PPM1H: variants seen among roughly 807,000 people sequenced by gnomAD.
PPM1H encodes the protein protein phosphatase, Mg2+/Mn2+ dependent 1H.
In PPM1H, 27 loss-of-function variants were observed where a neutral mutation model predicts 54.9. The observed-to-expected ratio is 0.49, with a 90% CI of 0.36 to 0.68. The LOEUF (loss-of-function observed/expected upper bound fraction) is 0.68, where lower values mean the gene tolerates loss of function less well. Among genes scored for constraint, PPM1H ranks in the 30% least tolerant of loss-of-function variants. The pLI is 0.00. For synonymous variants in PPM1H, 305 were observed against 270.8 expected (o/e 1.13, Z -1.24); for missense variants, 596 against 667.8 (o/e 0.89, Z 1.19).
At position 62,775,603 on chromosome 12, in the gene PPM1H, A is replaced by G. The variant is rs78439476; in HGVS notation, c.869+12623T>C. On this transcript the variant is annotated intron_variant, in intron 4 of 9. Transcript: ENST00000228705. The stretch of plus-strand genomic sequence containing the variant: ...CGAAGGCTTTAAAAATGAATATTAT[A>G]TATAAATGAGTGTGTACACACACAC... 2.4e-3 allele frequency among the ~76,000 whole-genome samples: 368 copies of G among 150,688 alleles called. 1 individual carries two copies. Among genetic ancestry groups the G allele is most frequent in the African/African-American group, 8.6e-3 (349 of 40,374 alleles).
chr12:62,689,627 T>A, intron 8 of PPM1H, 72 bp downstream of exon 8: 5 of 1,091,328 alleles, frequency 4.6e-6, no homozygotes, highest in Non-Finnish European at 6.8e-6. Context: ...GGATATGGGG[T>A]GTGAGTCACA....
At chr12:62,687,562 C>CTT (rs559654707) in intron 8 of PPM1H, among the ~76,000 whole-genome samples, 2 of 141,900 alleles carry the variant, frequency 1.4e-5, no homozygotes, top group Admixed American at 7.1e-5. Flanking sequence ...TCTTGCAGTA[C>CTT]TTTTTTTTTT....
At chr12:62,875,574 T>C (rs1702000413) in intron 1 of PPM1H, among the ~76,000 whole-genome samples, 2 of 152,198 alleles carry the variant, frequency 1.3e-5, no homozygotes, top group African/African-American at 2.4e-5. Context: ...TATTTTTCTA[T>C]ATAGCAAATC....
chr12:62,782,278 G>A (rs1156998567), intron 4 of PPM1H, among the ~76,000 whole-genome samples: 4 of 152,166 alleles, frequency 2.6e-5, no homozygotes, highest in Non-Finnish European at 5.9e-5. Flanking sequence ...TTGGCTTGGA[G>A]GCAGTTACAT....
At chr12:62,722,537 T>C (rs1363097758) in intron 5 of PPM1H, among the ~76,000 whole-genome samples, 1 of 152,138 alleles carries the variant, frequency 6.6e-6, no homozygotes, top group African/African-American at 2.4e-5. Context: ...TACACACACA[T>C]TTTTACAAAA....
In PPM1H at chr12:62,865,908, G is replaced by C. The variant is rs41380144; in HGVS notation, c.246-33629C>G. Among the ~76,000 whole-genome samples, 19 of 152,316 alleles carry C rather than the reference G, an allele frequency of 1.2e-4. 1 individual carries two copies. The South Asian group carries it at 3.7e-3, about 30-fold the overall frequency. On this transcript the variant is annotated intron_variant, in intron 1 of 9. Transcript: ENST00000228705. ...TAAACACCCAAATTGTTCTTGACCA[G>C]TAGTAACCACTTAATGCATAAGTAG... is the stretch of plus-strand genomic sequence containing the variant.
chr12:62,669,848 A>T lies in PPM1H; in HGVS notation c.1246-2519T>A, dbSNP rs1035845645. Among the ~76,000 whole-genome samples, 10 of 151,210 alleles carry T rather than the reference A, an allele frequency of 6.6e-5. No homozygotes were observed. In the East Asian group the frequency reaches 2.0e-3, roughly 30 times the overall value. The stretch of plus-strand genomic sequence containing the variant: ...CAGCTACTTGGGAGGCTGAGGCAGG[A>T]GAATTGCTTGAACCCAGGATTTTGA... On this transcript the variant is annotated intron_variant, in intron 8 of 9. Coordinates refer to ENST00000228705, the MANE Select transcript of PPM1H (RefSeq NM_020700.2).
chr12:62,683,031 TA>T (rs1298653765), intron 8 of PPM1H, among the ~76,000 whole-genome samples: 2 of 123,666 alleles, frequency 1.6e-5, no homozygotes, highest in Admixed American at 9.3e-5. Context: ...GAGAGTTTAT[TA>T]TTTATTATTA....
chr12:62,840,051 CAGAGAGAGAGAGAG>C (rs202055824), intron 1 of PPM1H: 6 of 130,400 alleles, frequency 4.6e-5, no homozygotes, highest in Admixed American at 2.3e-4. Flanking sequence ...TCTAGAGAGA[CAGAGAGAGAGAGAG>C]AGAGAGAGAG....
chr12:62,817,131 A>AG (rs1565797631), intron 2 of PPM1H, among the ~76,000 whole-genome samples: 23 of 124,848 alleles, frequency 1.8e-4, no homozygotes, highest in African/African-American at 7.1e-4. Context: ...AAAAAAAAAA[A>AG]AAAAAGAAAA....
At chr12:62,666,181 G>A (rs1452973835) in intron 9 of PPM1H, among the ~76,000 whole-genome samples, 3 of 152,042 alleles carry the variant, frequency 2.0e-5, no homozygotes, top group Admixed American at 6.6e-5. Context: ...GGGTTCAAGC[G>A]ATTCTCATGC....
At chr12:62,823,360 T>C (rs2076915966) in intron 2 of PPM1H, among the ~76,000 whole-genome samples, 1 of 151,994 alleles carries the variant, frequency 6.6e-6, no homozygotes, top group Admixed American at 6.6e-5. Flanking sequence ...TTCCAATCAA[T>C]AGAAAAAGAG....
At chr12:62,878,365 ACTAT>A (rs1165396541) in intron 1 of PPM1H, among the ~76,000 whole-genome samples, 1 of 152,192 alleles carries the variant, frequency 6.6e-6, no homozygotes, top group African/African-American at 2.4e-5. Context: ...TACCCAGGGC[ACTAT>A]CTGAGAAGAA....
rs2136588016 is a variant in PPM1H at position 62,646,780 on chromosome 12, T to TGA, written c.*1707_*1708dup. 6.6e-6 allele frequency: 1 copy of TGA among 152,328 alleles called. No individual in the cohort carries two copies. The highest frequency in any genetic ancestry group is 1.9e-4 in the East Asian group (1 of 5,162). 9.4% of individuals were successfully genotyped at this position (152,328 alleles called of 1,614,324 possible). A position where few individuals can be genotyped will look rare whatever the true frequency, so the allele number is the denominator to read the frequency against. On this transcript the variant is annotated 3_prime_UTR_variant, in exon 10 of 10. Coordinates refer to ENST00000228705, the MANE Select transcript of PPM1H (RefSeq NM_020700.2). ...ACGGCACTGTCTCCACACCCTGGAA[T>TGA]GAGTTCTTTCCTGAGCAGGAGGGGC...
intron 1 of PPM1H, among the ~76,000 whole-genome samples, chr12:62,886,297 T>C (rs1870585949): frequency 1.3e-5 from 2 of 152,232 alleles, no homozygotes; most frequent in African/African-American, 2.4e-5. Context: ...TCTCTGTTAA[T>C]TGGAGATACC....
chr12:62,877,215 T>C (rs968050051), intron 1 of PPM1H, among the ~76,000 whole-genome samples: 3 of 152,210 alleles, frequency 2.0e-5, no homozygotes, highest in Non-Finnish European at 4.4e-5. Context: ...GGACTTATAC[T>C]GTGTGAGCAG....
intron 2 of PPM1H, among the ~76,000 whole-genome samples, chr12:62,803,206 C>A (rs528994183): frequency 5.9e-5 from 9 of 152,282 alleles, no homozygotes; most frequent in Admixed American, 3.9e-4. Flanking sequence ...CTTCTTCTTG[C>A]CTTACAGCTA....
chr12:62,673,715 C>CTTTTTTTTT (rs567775927), intron 8 of PPM1H, among the ~76,000 whole-genome samples: 715 of 41,944 alleles, frequency 0.017, 196 homozygotes, highest in Middle Eastern at 0.11. Context: ...AAGAGCCACT[C>CTTTTTTTTT]TTTTTTTTTT....
chr12:62,879,469 G>A (rs568664909), intron 1 of PPM1H, among the ~76,000 whole-genome samples: 8 of 152,230 alleles, frequency 5.3e-5, no homozygotes, highest in South Asian at 2.1e-4. Context: ...TTAGGGACAC[G>A]GATGAAGCTG....
Sources: gnomAD v4.1 joint callset for allele counts (sites outside exome capture counted in the v4.1 genomes callset) on GRCh38, gnomAD v4.1.1 for gene constraint, MANE v1.5 for transcripts, NCBI Gene and HGNC (gene_info 2026-07-23, HGNC 2026-07-21) for gene names.